Variants in SLMAP observed in about 807,000 individuals in gnomAD.
The protein encoded by SLMAP is sarcolemma associated protein.
A neutral mutation model predicts 128.8 loss-of-function variants in SLMAP; 44 were observed. The ratio of observed to expected loss-of-function variants is 0.34; its 90% CI spans 0.27 to 0.44. The LOEUF (loss-of-function observed/expected upper bound fraction) is 0.44. SLMAP is among the 20% of genes least tolerant of loss of function. SLMAP has a pLI of 1.00. For synonymous variants in SLMAP, 327 were observed against 348.8 expected, an observed-to-expected ratio of 0.94 and a Z score of 0.70; for missense variants, 787 against 985.3, an observed-to-expected ratio of 0.80 and a Z score of 2.69.
At chr3:57,775,953 C>T (rs1358919474) in intron 2 of SLMAP, among the ~76,000 whole-genome samples, 1 of 152,130 alleles carries the variant, frequency 6.6e-6, no homozygotes, top group Non-Finnish European at 1.5e-5. Context: ...GCTGCCTCGG[C>T]CTCCCAAAGT....
intron 2 of SLMAP, among the ~76,000 whole-genome samples, chr3:57,783,042 G>C (rs1021082620): frequency 6.6e-6 from 1 of 152,188 alleles, no homozygotes; most frequent in Non-Finnish European, 1.5e-5. Context: ...ACACAAAATG[G>C]ATTAAGACAG....
rs529268481 is a variant in SLMAP, at chr3:57,791,057, C to G, written c.198+33208C>G. Among the ~76,000 whole-genome samples, 5 of 152,024 alleles carry G rather than the reference C, an allele frequency of 3.3e-5. No individual in the cohort carries two copies. The South Asian group carries it at 1.0e-3, about 32-fold the overall frequency. ...AGCCCAGTATAAATATAGCAGCAGT[C>G]TTACTTTTAAAAAATTGGATGGACG... On this transcript the variant is annotated intron_variant, in intron 2 of 24. Transcript: ENST00000671191.
chr3:57,826,898 C>T lies in SLMAP; in HGVS notation c.199-4485C>T, dbSNP rs1439854913. Among the ~76,000 whole-genome samples the T allele has an allele frequency of 2.0e-5, 3 of 152,158 alleles. No homozygotes were observed. In the East Asian group the frequency reaches 5.8e-4, roughly 29 times the overall value. Reference sequence around the variant, plus strand: ...CTTCTGCACAGATGCTGATTCCATGCAGGTCTTGTGGCTTTTGGTGGTCTT... The same window carrying T: ...CTTCTGCACAGATGCTGATTCCATGTAGGTCTTGTGGCTTTTGGTGGTCTT... On this transcript the variant is annotated intron_variant, in intron 2 of 24. Coordinates refer to ENST00000671191, the MANE Select transcript of SLMAP (RefSeq NM_001377540.1).
intron 6 of SLMAP, among the ~76,000 whole-genome samples, chr3:57,855,171 A>T (rs2094709382): frequency 6.6e-6 from 1 of 152,078 alleles, no homozygotes; most frequent in Non-Finnish European, 1.5e-5. Context: ...TGAGGCTAGG[A>T]GTTCGAGACC....
At chr3:57,908,877 T>A (rs1451243296) in intron 18 of SLMAP, among the ~76,000 whole-genome samples, 199 bp from the exon 19 acceptor site, 1 of 152,238 alleles carries the variant, frequency 6.6e-6, no homozygotes, top group Non-Finnish European at 1.5e-5. Context: ...CTCAGTTGAA[T>A]AGATTTATTA....
chr3:57,899,674 A>T (rs543045606), intron 17 of SLMAP: 1 of 152,120 alleles, frequency 6.6e-6, no homozygotes, highest in African/African-American at 2.4e-5. Context: ...CAGCTTCCCA[A>T]GTAGCTGGGA....
At chr3:57,839,989 A>G (rs890265494) in intron 3 of SLMAP, among the ~76,000 whole-genome samples, 1 of 151,932 alleles carries the variant, frequency 6.6e-6, no homozygotes, top group African/African-American at 2.4e-5. Flanking sequence ...TGCCCAGCCT[A>G]AGTTTTATAT....
intron 2 of SLMAP, among the ~76,000 whole-genome samples, chr3:57,808,853 T>G (rs2090405966): frequency 6.6e-6 from 1 of 152,194 alleles, no homozygotes; most frequent in Non-Finnish European, 1.5e-5. Context: ...GACAGTAGGG[T>G]GTTAAAGTCT....
intron 2 of SLMAP, among the ~76,000 whole-genome samples, chr3:57,810,064 T>C (rs2090670675): frequency 6.6e-6 from 1 of 151,806 alleles, no homozygotes; most frequent in Non-Finnish European, 1.5e-5. Context: ...AAGCCAGGGC[T>C]GTGACTCTTT....
At chr3:57,793,809 C>G (rs1479834253) in intron 2 of SLMAP, among the ~76,000 whole-genome samples, 1 of 151,446 alleles carries the variant, frequency 6.6e-6, no homozygotes, top group Non-Finnish European at 1.5e-5. Flanking sequence ...CCTGTAATCC[C>G]AACACTTTGG....
intron 6 of SLMAP, among the ~76,000 whole-genome samples, chr3:57,857,081 A>G (rs956516329): frequency 6.6e-6 from 1 of 152,188 alleles, no homozygotes; most frequent in African/African-American, 2.4e-5. Context: ...TGCAAACCTG[A>G]AACATTTGTT....
chr3:57,877,707 A>G (rs1202295498), intron 14 of SLMAP, among the ~76,000 whole-genome samples: 1 of 152,198 alleles, frequency 6.6e-6, no homozygotes, highest in Admixed American at 6.5e-5. Context: ...TCTTAAGTAC[A>G]TGCCAGTGGT....
At chr3:57,904,314 T>C (rs550674182) in intron 17 of SLMAP, among the ~76,000 whole-genome samples, 3 of 152,304 alleles carry the variant, frequency 2.0e-5, no homozygotes, top group South Asian at 4.1e-4. Context: ...GTCTGAGCCA[T>C]TCTTGAGGCT....
chr3:57,817,530 G>T (rs1406524341), intron 2 of SLMAP, among the ~76,000 whole-genome samples: 1 of 152,116 alleles, frequency 6.6e-6, no homozygotes, highest in Non-Finnish European at 1.5e-5. Flanking sequence ...TTTTGTTTAG[G>T]ATTGGGAATA....
At chr3:57,888,083 G>T (rs1196627193) in intron 14 of SLMAP, among the ~76,000 whole-genome samples, 1 of 152,064 alleles carries the variant, frequency 6.6e-6, no homozygotes, top group Non-Finnish European at 1.5e-5. Flanking sequence ...ATTATAAGAG[G>T]ATATGTTATA....
intron 2 of SLMAP, among the ~76,000 whole-genome samples, chr3:57,821,923 C>CCTCCTG (rs1319582139): frequency 2.6e-5 from 4 of 151,656 alleles, no homozygotes; most frequent in Non-Finnish European, 5.9e-5. Context: ...TCCTCCTCCT[C>CCTCCTG]CTCCTCCTCC....
At chr3:57,846,498 G>A (rs2094256800) in intron 4 of SLMAP, among the ~76,000 whole-genome samples, 1 of 151,444 alleles carries the variant, frequency 6.6e-6, no homozygotes, top group South Asian at 2.1e-4. Flanking sequence ...TTTCTGTATA[G>A]GAATGTTTAA....
chr3:57,853,531 C>G (rs950267403), intron 6 of SLMAP, among the ~76,000 whole-genome samples: 1 of 152,150 alleles, frequency 6.6e-6, no homozygotes, highest in African/African-American at 2.4e-5. Flanking sequence ...AAAACCACAA[C>G]TAAGTGCTAT....
At chr3:57,891,377 C>T (rs1425580982) in intron 15 of SLMAP, among the ~76,000 whole-genome samples, 1 of 152,000 alleles carries the variant, frequency 6.6e-6, no homozygotes, top group Admixed American at 6.6e-5. Context: ...CTTATTGATA[C>T]ATAATGTGCA....
Sources: gnomAD v4.1 joint callset for allele counts (sites outside exome capture counted in the v4.1 genomes callset) on GRCh38, gnomAD v4.1.1 for gene constraint, MANE v1.5 for transcripts, NCBI Gene and HGNC (gene_info 2026-07-23, HGNC 2026-07-21) for gene names.